EPHB4: variants seen among roughly 807,000 people sequenced by gnomAD.
The protein encoded by EPHB4 is ephrin type-B receptor 4.
EPHB4 carries 50 observed loss-of-function variants against 110.6 expected under a neutral mutation model. The ratio of observed to expected loss-of-function variants is 0.45; its 90% CI spans 0.36 to 0.57. The LOEUF (loss-of-function observed/expected upper bound fraction) is 0.57, where lower values mean the gene tolerates loss of function less well. Among genes scored for constraint, EPHB4 ranks in the 20% least tolerant of loss-of-function variants. The probability of loss-of-function intolerance (pLI) is 0.00; values close to 1 mark genes in which losing one functional copy is unlikely to be tolerated. For missense variants in EPHB4, 1,128 were observed against 1,382.1 expected (o/e 0.82, Z 2.91); for synonymous variants, 592 against 578.4 (o/e 1.02, Z -0.34).
chr7:100,824,048 A>G, intron 2 of EPHB4, 117 bp from the exon 3 acceptor site: 1 of 1,517,928 alleles, frequency 6.6e-7, no homozygotes, highest in African/African-American at 1.4e-5. Flanking sequence ...TACTGCGAGG[A>G]GGGCGCCTCT....
At chr7:100,808,504 G>A (rs1812861747) in intron 12 of EPHB4, among the ~76,000 whole-genome samples, 1 of 152,174 alleles carries the variant, frequency 6.6e-6, no homozygotes, top group African/African-American at 2.4e-5. Flanking sequence ...TGGGATTACA[G>A]GCATGAGTCA....
chr7:100,827,071 G>T lies in EPHB4; in HGVS notation c.-41C>A, dbSNP rs1322127616. The T allele has an allele frequency of 1.3e-6, 2 of 1,554,488 alleles. No individual in the cohort carries two copies. Among genetic ancestry groups the T allele is most frequent in the Non-Finnish European group, 1.7e-6 (2 of 1,148,984 alleles). ...GGGTAGGATCCGAACTGAGTTTGGG[G>T]GGCCCTCGCCCCCCCAGGTCTGACT... On this transcript the variant is annotated 5_prime_UTR_variant, in exon 1 of 17. Coordinates refer to ENST00000358173, the MANE Select transcript of EPHB4 (RefSeq NM_004444.5).
chr7:100,823,857 G>C lies in EPHB4; in HGVS notation c.198C>G (p.Ala66=), dbSNP rs1813304912. 4 of 1,612,694 alleles carry C rather than the reference G, an allele frequency of 2.5e-6. No individual in the cohort carries two copies. Among genetic ancestry groups the C allele is most frequent in the Non-Finnish European group, 3.4e-6 (4 of 1,179,668 alleles). Residue 66 remains alanine (A), a synonymous_variant, in exon 3 of 17, where the codon GCC becomes GCG. Transcript: ENST00000358173. ...RTYEVCDVQR[A]PGQAHWLRTG... ...TGCGAAGCCAGTGGGCCTGGCCCGG[G>C]GCACGCTGCACGTCACACACTTCGT...
chr7:100,805,562 C>T lies in EPHB4; in HGVS notation c.2617G>A (p.Ala873Thr), dbSNP rs201842419. 56 of 1,540,322 alleles carry T rather than the reference C, an allele frequency of 3.6e-5. No homozygotes were observed. The highest frequency in any genetic ancestry group is 2.9e-4 in the South Asian group (23 of 79,136). ...ARPRFPQVVS[A>T]LDKMIRNPAS... Reference sequence around the variant, plus strand: ...GGGTTCCGGATCATCTTGTCCAGGGCGCTGACCACCTGGGGGAAGCGGGGC... The same window carrying T: ...GGGTTCCGGATCATCTTGTCCAGGGTGCTGACCACCTGGGGGAAGCGGGGC... The change falls in exon 15 of 17, where the codon GCC becomes ACC. Residue 873 changes from alanine to threonine, a missense_variant. Coordinates refer to ENST00000358173, the MANE Select transcript of EPHB4 (RefSeq NM_004444.5).
Position 100,817,347 on chromosome 7 carries a change from C to T in EPHB4, c.1433G>A (p.Gly478Asp). 6.4e-7 allele frequency: 1 copy of T among 1,568,996 alleles called. No individual in the cohort carries two copies. Among genetic ancestry groups the T allele is most frequent in the Non-Finnish European group, 8.6e-7 (1 of 1,159,214 alleles). Residue 478 changes from glycine to aspartate, a missense_variant, in exon 8 of 17, where the codon GGT (glycine) becomes GAT (aspartate). Physicochemically the swap from Gly to Asp is moderately conservative, Grantham distance 94. Around this residue, in one of 3 missense-constraint regions of EPHB4, gnomAD observed 728 missense variants for 828.6 expected, o/e 0.88. Transcript: ENST00000358173. ...CTTCAGGAACCGCACGCTGCTGGGA[C>T]CCTCGGCGCCCTGTCCGGGAGAGGT... ...EVKYHEKGAE[G>D]PSSVRFLKTS...
rs371279036 is a variant in EPHB4 at position 100,822,268 on chromosome 7, C to T, written c.808+3G>A. 6.4e-5 allele frequency: 100 copies of T among 1,557,270 alleles called. 1 individual carries two copies. In the African/African-American group the frequency reaches 1.2e-3, roughly 19 times the overall value. ...CAGTCGCAGGGGAAGCTCCAGCTCT[C>T]ACCTCGGCACTTGGTGTTCCCCTCA... On this transcript the variant is annotated splice_donor_region_variant and intron_variant, in intron 4 of 16. Coordinates refer to ENST00000358173, the MANE Select transcript of EPHB4 (RefSeq NM_004444.5). The surrounding 1 kb of genome is among the most constrained non-coding windows in gnomAD (Gnocchi z 4.7).
chr7:100,818,110 G>A (rs191614836), intron 7 of EPHB4, among the ~76,000 whole-genome samples: 10 of 148,526 alleles, frequency 6.7e-5, no homozygotes, highest in Middle Eastern at 3.7e-3. Context: ...CTTGTGATCC[G>A]CCCACCTCGG....
At chr7:100,817,414 C>T in intron 7 of EPHB4, 57 bp from the exon 8 acceptor site, 1 of 1,481,900 alleles carries the variant, frequency 6.7e-7, no homozygotes, top group Non-Finnish European at 8.9e-7. Context: ...TCCTGTTGCT[C>T]TTCCTGCCTC....
rs199997663 is a variant in EPHB4, at chr7:100,812,907, T to A, written c.1958A>T (p.Tyr653Phe). ...AAACTCACGCCGCTGCCGCTCCGTGTAGCCACCCTTCAGGGTCTTGATTGC... is the reference window on the plus strand; with the variant it reads ...AAACTCACGCCGCTGCCGCTCCGTGAAGCCACCCTTCAGGGTCTTGATTGC... ...CVAIKTLKGGYTERQRREFLS... is the reference protein window; with the variant it reads ...CVAIKTLKGGFTERQRREFLS... The change falls in exon 12 of 17, where the codon TAC (tyrosine) becomes TTC (phenylalanine). Residue 653 changes from tyrosine to phenylalanine, a missense_variant. Tyr to Phe is a conservative substitution (Grantham distance 22, BLOSUM62 3). Coordinates refer to ENST00000358173, the MANE Select transcript of EPHB4 (RefSeq NM_004444.5). 2 of 1,614,240 alleles carry A rather than the reference T, an allele frequency of 1.2e-6. No individual in the cohort carries two copies. Among genetic ancestry groups the A allele is most frequent in the African/African-American group, 2.7e-5 (2 of 75,078 alleles).
At chr7:100,826,912 A>G in intron 1 of EPHB4, 67 bp downstream of exon 1, 2 of 1,508,778 alleles carry the variant, frequency 1.3e-6, no homozygotes, top group South Asian at 1.2e-5. Context: ...CTCCACTCCG[A>G]GGCCCAGATG....
intron 1 of EPHB4, 170 bp from the exon 2 acceptor site, chr7:100,824,443 C>G (rs1216929154): frequency 3.0e-6 from 2 of 674,778 alleles, no homozygotes; most frequent in South Asian, 1.8e-5. Flanking sequence ...TTTCTGGCCT[C>G]TTCTGCTAAG....
chr7:100,804,747 G>A (rs1047404844), intron 16 of EPHB4, among the ~76,000 whole-genome samples: 4 of 152,134 alleles, frequency 2.6e-5, no homozygotes, highest in Non-Finnish European at 4.4e-5. Flanking sequence ...TGGGAGGCAA[G>A]GAATCATAAA....
chr7:100,822,747 C>T lies in EPHB4; in HGVS notation c.412-80G>A. 1.4e-6 allele frequency: 2 copies of T among 1,432,602 alleles called. No individual in the cohort carries two copies. Among genetic ancestry groups the T allele is most frequent in the East Asian group, 2.5e-5 (1 of 39,686 alleles). 88.7% of individuals were successfully genotyped at this position (1,432,602 alleles called of 1,614,324 possible). A position where few individuals can be genotyped will look rare whatever the true frequency, so the allele number is the denominator to read the frequency against. Reference sequence around the variant, plus strand: ...GGACTGTTGTGTTCTTCCCAGCTCACCCTCCCGGACCTCCTTGGTTCCCGT... The same window carrying T: ...GGACTGTTGTGTTCTTCCCAGCTCATCCTCCCGGACCTCCTTGGTTCCCGT... On this transcript the variant is annotated intron_variant, in intron 3 of 16. Coordinates refer to ENST00000358173, the MANE Select transcript of EPHB4 (RefSeq NM_004444.5). The surrounding 1 kb of genome is among the most constrained non-coding windows in gnomAD (Gnocchi z 4.7).
At chr7:100,816,523 G>A (rs574244622) in intron 8 of EPHB4, among the ~76,000 whole-genome samples, 1 of 151,970 alleles carries the variant, frequency 6.6e-6, no homozygotes, top group East Asian at 2.0e-4. Flanking sequence ...TAGTAGAGAC[G>A]CGGTTTCACC....
intron 9 of EPHB4, 60 bp from the exon 10 acceptor site, chr7:100,813,776 C>T: frequency 1.2e-6 from 2 of 1,610,902 alleles, no homozygotes; most frequent in Non-Finnish European, 1.7e-6. Context: ...ATGAGGCACA[C>T]ACACCAAAGG....
At chr7:100,810,642 C>T (rs1812906156) in intron 12 of EPHB4, among the ~76,000 whole-genome samples, 2 of 152,094 alleles carry the variant, frequency 1.3e-5, no homozygotes, top group South Asian at 4.1e-4. Flanking sequence ...ACCCAGGAGG[C>T]TGAGGCAGGA....
intron 13 of EPHB4, 27 bp downstream of exon 13, chr7:100,807,338 C>A (rs1812837836): frequency 6.2e-7 from 1 of 1,610,032 alleles, no homozygotes; most frequent in African/African-American, 1.3e-5. Context: ...CTAAGAAGCT[C>A]ACACCCAGTA....
intron 12 of EPHB4, among the ~76,000 whole-genome samples, chr7:100,811,909 C>T (rs1454575590): frequency 6.6e-6 from 1 of 151,348 alleles, no homozygotes; most frequent in African/African-American, 2.4e-5. Context: ...CGGTGGCTCA[C>T]GTCTGTAATC....
In EPHB4 at chr7:100,803,460, G is replaced by T. The variant is rs754162681; in HGVS notation, c.*1C>A. The T allele has an allele frequency of 3.8e-6, 6 of 1,561,404 alleles. No individual in the cohort carries two copies. In the East Asian group the frequency reaches 1.2e-4, roughly 30 times the overall value. On this transcript the variant is annotated 3_prime_UTR_variant, in exon 17 of 17. Coordinates refer to ENST00000358173, the MANE Select transcript of EPHB4 (RefSeq NM_004444.5). ...TCCCTGGGGTGGGGAGTTCCTGCAG[G>T]TCAGTACTGCGGGGCCGGTCCTCCT...
Sources: gnomAD v4.1 joint callset for allele counts (sites outside exome capture counted in the v4.1 genomes callset) on GRCh38, gnomAD v4.1.1 for gene constraint, gnomAD v4.1.1 regional missense constraint, Gnocchi (gnomAD v3.1) non-coding constraint, MANE v1.5 for transcripts, NCBI Gene and HGNC (gene_info 2026-07-23, HGNC 2026-07-21) for gene names.